PCDHGB6: variants seen among roughly 807,000 people sequenced by gnomAD.
PCDHGB6 encodes protocadherin gamma subfamily B, 6.
Under a neutral mutation model 59.1 loss-of-function variants are expected in PCDHGB6, and 51 were observed. The ratio of observed to expected loss-of-function variants is 0.86; its 90% confidence interval spans 0.69 to 1.09. PCDHGB6 has a LOEUF of 1.09. Among genes scored for constraint, PCDHGB6 ranks in the 50% least tolerant of loss-of-function variants. The pLI, the probability that PCDHGB6 is intolerant of heterozygous loss-of-function variation, is 0.00. For synonymous variants in PCDHGB6, 466 were observed against 495.1 expected, an observed-to-expected ratio of 0.94 and a Z score of 0.78; for missense variants, 1,148 against 1,205.1, an observed-to-expected ratio of 0.95 and a Z score of 0.70.
rs375363587 is a variant in PCDHGB6 at position 141,414,524 on chromosome 5, A to G, written c.2418+3904A>G. On this transcript the variant is annotated intron_variant, in intron 1 of 3. Coordinates refer to ENST00000520790, the MANE Select transcript of PCDHGB6 (RefSeq NM_018926.3). ...TTTATGCTACAAGTGGCAGATATCA[A>G]TGACAACCCACCTACCTTCTCTCAA... 105 of 1,613,844 alleles carry G rather than the reference A, an allele frequency of 6.5e-5. 1 individual carries two copies. In the South Asian group the frequency reaches 7.2e-4, roughly 11 times the overall value.
At chr5:141,419,686 G>A (rs551990092) in intron 1 of PCDHGB6, 2 of 1,612,760 alleles carry the variant, frequency 1.2e-6, no homozygotes, top group Non-Finnish European at 1.7e-6. Flanking sequence ...ACCACGTGGT[G>A]CAGGCCAGTG....
rs566753835 is a variant in PCDHGB6, at chr5:141,408,105, G to T, written c.-98G>T. The T allele has an allele frequency of 2.6e-5, 37 of 1,439,788 alleles. No homozygotes were observed. The highest frequency in any genetic ancestry group is 3.2e-5 in the Non-Finnish European group (35 of 1,091,896). The allele number at this position is 1,439,788 out of a possible 1,614,324, so 89.2% of individuals were successfully genotyped here. On this transcript the variant is annotated 5_prime_UTR_variant, in exon 1 of 4. Transcript: ENST00000520790. The stretch of plus-strand genomic sequence containing the variant: ...CAGCGGATTGCCAGCTCCGAGACCC[G>T]GGACTCCTCCTGTCCTGGGCCGAAT...
intron 1 of PCDHGB6, chr5:141,421,290 G>C (rs2096561632): frequency 6.2e-7 from 1 of 1,613,130 alleles, no homozygotes; most frequent in African/African-American, 1.3e-5. Flanking sequence ...GCATTTTCCT[G>C]GGGACGCTGC....
chr5:141,468,983 AATT>A (rs958294955), intron 1 of PCDHGB6, among the ~76,000 whole-genome samples: 5 of 148,376 alleles, frequency 3.4e-5, no homozygotes, highest in Admixed American at 6.8e-5. Context: ...TGACTTCCAA[AATT>A]ATTGTTTTTG....
At chr5:141,450,080 C>G (rs140080701) in intron 1 of PCDHGB6, among the ~76,000 whole-genome samples, 6,313 of 144,358 alleles carry the variant, frequency 0.044, 398 homozygotes, top group Admixed American at 0.19. Context: ...GATCTTGGCT[C>G]ACTGCAACCT....
chr5:141,453,323 G>A (rs1313870724), intron 1 of PCDHGB6, among the ~76,000 whole-genome samples: 1 of 151,482 alleles, frequency 6.6e-6, no homozygotes, highest in Non-Finnish European at 1.5e-5. Context: ...TTTAGAGATG[G>A]GGTCTCACTA....
At chr5:141,434,784 A>T (rs967716221) in intron 1 of PCDHGB6, among the ~76,000 whole-genome samples, 11 of 150,278 alleles carry the variant, frequency 7.3e-5, no homozygotes, top group East Asian at 5.8e-4. Flanking sequence ...AAAAAAAAAA[A>T]TTTTTTTTTC....
chr5:141,419,358 C>A (rs569760413), intron 1 of PCDHGB6: 1 of 1,613,810 alleles, frequency 6.2e-7, no homozygotes, highest in South Asian at 1.1e-5. Flanking sequence ...GAGTCACGAA[C>A]GCTGTCGTCC....
At chr5:141,435,447 A>C (rs2097764160) in intron 1 of PCDHGB6, among the ~76,000 whole-genome samples, 1 of 152,168 alleles carries the variant, frequency 6.6e-6, no homozygotes, top group Non-Finnish European at 1.5e-5. Context: ...CATTAATACG[A>C]TATCTGTATG....
At chr5:141,419,946 T>C in intron 1 of PCDHGB6, 1 of 1,614,086 alleles carries the variant, frequency 6.2e-7, no homozygotes, top group Non-Finnish European at 8.5e-7. Context: ...GTGGTGGCCT[T>C]GGCCTTGATT....
At chr5:141,421,300 C>A (rs377161386) in intron 1 of PCDHGB6, 2 of 1,613,320 alleles carry the variant, frequency 1.2e-6, no homozygotes, top group African/African-American at 1.3e-5. Context: ...GGGGACGCTG[C>A]GGGGGTTCCG....
Position 141,511,410 on chromosome 5 carries a change from T to TA in PCDHGB6, c.*238dup. On this transcript the variant is annotated 3_prime_UTR_variant, in exon 4 of 4. Coordinates refer to ENST00000520790, the MANE Select transcript of PCDHGB6 (RefSeq NM_018926.3). ...GGAACCCCCATCCAATCAACTGCTG[T>TA]ACCCATGGGGGTAGTGGGGTTACTG... The TA allele has an allele frequency of 1.1e-6, 1 of 908,822 alleles. No homozygotes were observed. The highest frequency in any genetic ancestry group is 1.6e-6 in the Non-Finnish European group (1 of 624,204). 56.3% of individuals were successfully genotyped at this position (908,822 alleles called of 1,614,324 possible).
Position 141,511,267 on chromosome 5 carries a change from C to T in PCDHGB6, c.*94C>T, listed in dbSNP as rs1223074819. 1.3e-6 allele frequency: 2 copies of T among 1,549,404 alleles called. No homozygotes were observed. Among genetic ancestry groups the T allele is most frequent in the Non-Finnish European group, 1.7e-6 (2 of 1,146,836 alleles). On this transcript the variant is annotated 3_prime_UTR_variant, in exon 4 of 4. Transcript: ENST00000520790. ...CCAGGCCTCAGAGTTTCAGGGCTAA[C>T]CCCCAGAATACTGGTAGGGGCCAAG...
intron 1 of PCDHGB6, chr5:141,419,237 C>A (rs2096348240): frequency 6.2e-7 from 1 of 1,613,988 alleles, no homozygotes; most frequent in Non-Finnish European, 8.5e-7. Flanking sequence ...CTACCTGGTC[C>A]ACGTGCCAGA....
rs2099718995 is a variant in PCDHGB6 at position 141,491,523 on chromosome 5, G to A, written c.2419-3284G>A. On this transcript the variant is annotated intron_variant, in intron 1 of 3. Transcript: ENST00000520790. This position sits in a 1 kb window ranked among gnomAD's most constrained non-coding sequence, Gnocchi z 6.9. ...CGGACGGCACGCTCAAGTACATGGAGGTGACGCTGCGGCCCACAGACTCGC... is the reference window on the plus strand; with the variant it reads ...CGGACGGCACGCTCAAGTACATGGAAGTGACGCTGCGGCCCACAGACTCGC... The A allele has an allele frequency of 3.1e-6, 5 of 1,613,954 alleles. No individual in the cohort carries two copies. The highest frequency in any genetic ancestry group is 3.4e-6 in the Non-Finnish European group (4 of 1,180,032).
intron 1 of PCDHGB6, among the ~76,000 whole-genome samples, chr5:141,447,851 C>A (rs961725006): frequency 6.6e-6 from 1 of 151,980 alleles, no homozygotes; most frequent in African/African-American, 2.4e-5. Flanking sequence ...TTTGGGAGGC[C>A]GAGGTGGGTG....
At chr5:141,445,558 G>A (rs1172697298) in intron 1 of PCDHGB6, among the ~76,000 whole-genome samples, 1 of 152,172 alleles carries the variant, frequency 6.6e-6, no homozygotes, top group Non-Finnish European at 1.5e-5. Flanking sequence ...AAAGCACTAA[G>A]AGAAAGCTTA....
rs1407225048 is a variant in PCDHGB6 at position 141,489,600 on chromosome 5, G to T, written c.2419-5207G>T. On this transcript the variant is annotated intron_variant, in intron 1 of 3. Coordinates refer to ENST00000520790, the MANE Select transcript of PCDHGB6 (RefSeq NM_018926.3). The surrounding 1 kb of genome is among the most constrained non-coding windows in gnomAD (Gnocchi z 4.5). ...ACCCCCTGGAGCTAATCCGTGTAGA[G>T]GTAGAGATCCTGGATCTCAATGACA... The T allele has an allele frequency of 7.4e-6, 12 of 1,613,916 alleles. 1 individual carries two copies. In the South Asian group the frequency reaches 1.2e-4, roughly 16 times the overall value.
intron 1 of PCDHGB6, among the ~76,000 whole-genome samples, chr5:141,474,463 T>C (rs1447737626): frequency 6.6e-6 from 1 of 152,228 alleles, no homozygotes; most frequent in Admixed American, 6.5e-5. Flanking sequence ...GCTATACTCT[T>C]TATTCTAAAT....
Sources: allele counts gnomAD v4.1 joint callset (sites outside exome capture counted in the v4.1 genomes callset), GRCh38; gene constraint gnomAD v4.1.1; non-coding constraint Gnocchi (gnomAD v3.1); transcripts MANE v1.5; gene names NCBI Gene and HGNC (gene_info 2026-07-23, HGNC 2026-07-21).